Variants in MYO3B observed in about 807,000 individuals in gnomAD.
MYO3B encodes the protein myosin-IIIb.
MYO3B carries 156 observed loss-of-function variants against 174.6 expected under a neutral mutation model. The ratio of observed to expected loss-of-function variants is 0.89; its 90% CI spans 0.78 to 1.02. MYO3B has a LOEUF of 1.02. Ranked by LOEUF, MYO3B falls within the 50% of genes least tolerant of loss-of-function variation. The probability of loss-of-function intolerance (pLI) is 0.00; values close to 1 mark genes in which losing one functional copy is unlikely to be tolerated. For missense variants in MYO3B, 1,632 were observed against 1,639.4 expected, an observed-to-expected ratio of 1.00 and a Z score of 0.08; for synonymous variants, 563 against 569.1, an observed-to-expected ratio of 0.99 and a Z score of 0.15.
chr2:170,306,220 G>A (rs1267050822), intron 7 of MYO3B, among the ~76,000 whole-genome samples: 1 of 152,172 alleles, frequency 6.6e-6, no homozygotes, highest in Non-Finnish European at 1.5e-5. Context: ...AGGAAGTGGA[G>A]GCTGCCATTC....
At chr2:170,384,714 G>C (rs1048663083) in intron 12 of MYO3B, among the ~76,000 whole-genome samples, 3 of 152,174 alleles carry the variant, frequency 2.0e-5, no homozygotes, top group Non-Finnish European at 4.4e-5. Context: ...TTTAAGTTAA[G>C]AAGTTGCCTC....
intron 22 of MYO3B, among the ~76,000 whole-genome samples, chr2:170,439,265 A>T (rs879814270): frequency 3.4e-4 from 52 of 151,840 alleles, no homozygotes; most frequent in Non-Finnish European, 5.4e-4. Flanking sequence ...CCAGCTACTC[A>T]GGAGGCTGAG....
chr2:170,578,609 G>T, intron 32 of MYO3B, among the ~76,000 whole-genome samples: 1 of 152,222 alleles, frequency 6.6e-6, no homozygotes, highest in East Asian at 1.9e-4. Flanking sequence ...TAATCTGTGC[G>T]TTGTTAAAAA....
At chr2:170,445,929 C>T (rs924846059) in intron 23 of MYO3B, among the ~76,000 whole-genome samples, 2 of 152,104 alleles carry the variant, frequency 1.3e-5, no homozygotes, top group African/African-American at 4.8e-5. Flanking sequence ...TGAGCCACCA[C>T]ATCCACCCTG....
chr2:170,533,518 C>A (rs1689489236), intron 30 of MYO3B, among the ~76,000 whole-genome samples: 1 of 152,022 alleles, frequency 6.6e-6, no homozygotes, highest in Non-Finnish European at 1.5e-5. Flanking sequence ...TTTTTCTCTA[C>A]AAGTCTATGC....
intron 32 of MYO3B, among the ~76,000 whole-genome samples, chr2:170,556,196 G>GA (rs560028726): frequency 0.13 from 18,122 of 142,276 alleles, 2,014 homozygotes; most frequent in African/African-American, 0.31. Context: ...ACTCTGTCTA[G>GA]AAAAAAAAAA....
intron 25 of MYO3B, among the ~76,000 whole-genome samples, chr2:170,491,571 G>A (rs1575066719): frequency 6.6e-6 from 1 of 152,130 alleles, no homozygotes; most frequent in African/African-American, 2.4e-5. Flanking sequence ...GACTATAGGT[G>A]CCCGCCACCA....
chr2:170,382,589 G>A (rs1456475347), intron 10 of MYO3B: 1 of 169,530 alleles, frequency 5.9e-6, no homozygotes, highest in Non-Finnish European at 1.3e-5. Context: ...TTTATGCTGA[G>A]TCTAACTCTG....
intron 32 of MYO3B, among the ~76,000 whole-genome samples, chr2:170,584,688 T>C (rs1575202425): frequency 6.6e-6 from 1 of 152,268 alleles, no homozygotes; most frequent in East Asian, 1.9e-4. Context: ...TTTATTGATC[T>C]GTAACTTGAT....
intron 16 of MYO3B, among the ~76,000 whole-genome samples, chr2:170,397,401 GT>G (rs1242907683): frequency 1.3e-5 from 2 of 152,108 alleles, no homozygotes; most frequent in Non-Finnish European, 2.9e-5. Flanking sequence ...ACCAAATCAA[GT>G]TACCTGCCTG....
At chr2:170,219,864 C>A (rs6721772) in intron 6 of MYO3B, among the ~76,000 whole-genome samples, 89,345 of 152,062 alleles carry the variant, frequency 0.59, 26,803 homozygotes, top group African/African-American at 0.71. Context: ...TCCTGTTCTA[C>A]TCTAGAGCAA....
chr2:170,526,161 G>T (rs1434671420), intron 30 of MYO3B, among the ~76,000 whole-genome samples: 1 of 152,156 alleles, frequency 6.6e-6, no homozygotes, highest in East Asian at 1.9e-4. Context: ...TACGAGCTAT[G>T]AGACATTGGA....
intron 22 of MYO3B, among the ~76,000 whole-genome samples, chr2:170,421,747 T>A (rs2094616992): frequency 6.6e-6 from 1 of 152,210 alleles, no homozygotes; most frequent in Admixed American, 6.5e-5. Flanking sequence ...AGAATCTGAT[T>A]TTCTTTGTAA....
chr2:170,442,946 A>G (rs1173991967), intron 22 of MYO3B, among the ~76,000 whole-genome samples: 1 of 152,210 alleles, frequency 6.6e-6, no homozygotes, highest in Non-Finnish European at 1.5e-5. Flanking sequence ...TATTGTGAAT[A>G]GTGCCGCAAT....
In MYO3B at chr2:170,425,741, G is replaced by A. The variant is rs771586321; in HGVS notation, c.2650+17897G>A. Among the ~76,000 whole-genome samples the A allele has an allele frequency of 8.6e-4, 131 of 152,300 alleles. 1 individual carries two copies. The highest frequency in any genetic ancestry group is 1.3e-3 in the Admixed American group (20 of 15,302). ...AGGCAGCAATCCCATCAGCTACTCA[G>A]TAGTCTTCCTTGCATAAGATCAAAA... On this transcript the variant is annotated intron_variant, in intron 22 of 34. Coordinates refer to ENST00000408978, the MANE Select transcript of MYO3B (RefSeq NM_138995.5).
intron 8 of MYO3B, among the ~76,000 whole-genome samples, chr2:170,365,750 A>G (rs2094193426): frequency 6.6e-6 from 1 of 152,072 alleles, no homozygotes; most frequent in Non-Finnish European, 1.5e-5. Context: ...TCCTCTTTAC[A>G]CTCAGGTTCA....
chr2:170,260,120 G>A (rs1280269697), intron 7 of MYO3B, among the ~76,000 whole-genome samples: 2 of 152,158 alleles, frequency 1.3e-5, no homozygotes, highest in Non-Finnish European at 2.9e-5. Flanking sequence ...CTATTGATGG[G>A]AATGTAAATT....
chr2:170,613,091 C>T (rs545516314), intron 32 of MYO3B, among the ~76,000 whole-genome samples: 1 of 152,310 alleles, frequency 6.6e-6, no homozygotes, highest in Non-Finnish European at 1.5e-5. Context: ...CACCACCCAC[C>T]TGGAGCTCTG....
At chr2:170,552,005 C>T (rs972138818) in intron 32 of MYO3B, among the ~76,000 whole-genome samples, 5 of 152,180 alleles carry the variant, frequency 3.3e-5, no homozygotes, top group African/African-American at 1.2e-4. Context: ...TGAAGCCTCT[C>T]CAGTCATGCC....
Sources: gnomAD v4.1 joint callset for allele counts (sites outside exome capture counted in the v4.1 genomes callset) on GRCh38, gnomAD v4.1.1 for gene constraint, MANE v1.5 for transcripts, NCBI Gene and HGNC (gene_info 2026-07-23, HGNC 2026-07-21) for gene names.